Variants in MEGF10 observed in about 807,000 individuals in gnomAD.
The protein encoded by MEGF10 is multiple EGF like domains 10, also known as multiple epidermal growth factor-like domains protein 10.
In MEGF10, 86 loss-of-function variants were observed where a neutral mutation model predicts 147.5. The ratio of observed to expected loss-of-function variants is 0.58; its 90% CI spans 0.49 to 0.70. The LOEUF is 0.70. Ranked by LOEUF, MEGF10 falls within the 30% of genes least tolerant of loss-of-function variation. The pLI is 0.00. For synonymous variants in MEGF10, 478 were observed against 525.5 expected (o/e 0.91, Z 1.24); for missense variants, 1,329 against 1,487.3 (o/e 0.89, Z 1.75).
At chr5:127,426,526 G>A (rs972153574) in intron 13 of MEGF10, among the ~76,000 whole-genome samples, 7 of 152,094 alleles carry the variant, frequency 4.6e-5, no homozygotes, top group African/African-American at 1.7e-4. Flanking sequence ...CAGGATTTAG[G>A]CTGTGTCCTA....
chr5:127,254,850 G>C, the MEGF10 span, among the ~76,000 whole-genome samples: 43 of 151,258 alleles, frequency 2.8e-4, no homozygotes, highest in African/African-American at 9.9e-4. Context: ...TATTGATATC[G>C]TAATCACCTG....
At chr5:127,323,179 A>G (rs1163558223) in intron 1 of MEGF10, among the ~76,000 whole-genome samples, 1 of 152,248 alleles carries the variant, frequency 6.6e-6, no homozygotes, top group East Asian at 1.9e-4. Flanking sequence ...GCGGAAAAAT[A>G]AAAGAAACAT....
chr5:127,433,012 G>T (rs78444957), intron 13 of MEGF10, among the ~76,000 whole-genome samples: 6 of 152,098 alleles, frequency 3.9e-5, no homozygotes, highest in Non-Finnish European at 8.8e-5. Flanking sequence ...CAAAGAATGG[G>T]AGGAGGAGGA....
the MEGF10 span, among the ~76,000 whole-genome samples, chr5:127,269,917 G>A: frequency 5.3e-5 from 8 of 152,258 alleles, no homozygotes; most frequent in African/African-American, 1.4e-4. Flanking sequence ...AAGAGAGTGG[G>A]GGCCAATAGT....
intron 1 of MEGF10, among the ~76,000 whole-genome samples, chr5:127,292,124 C>T (rs567132806): frequency 2.6e-5 from 4 of 152,252 alleles, no homozygotes; most frequent in Non-Finnish European, 5.9e-5. Flanking sequence ...TGTCATCTTC[C>T]TGACACGAGT....
intron 4 of MEGF10, among the ~76,000 whole-genome samples, chr5:127,366,707 T>A (rs72788576): frequency 0.11 from 16,328 of 152,198 alleles, 897 homozygotes; most frequent in Non-Finnish European, 0.13. Flanking sequence ...CGGATTTTTT[T>A]AAAAAATTAT....
At chr5:127,308,957 G>T (rs1161175901) in intron 1 of MEGF10, among the ~76,000 whole-genome samples, 1 of 152,140 alleles carries the variant, frequency 6.6e-6, no homozygotes, top group African/African-American at 2.4e-5. Context: ...TGGTTTCTGT[G>T]TATGGGTTCT....
the MEGF10 span, among the ~76,000 whole-genome samples, chr5:127,252,402 A>G: frequency 6.6e-6 from 1 of 151,866 alleles, no homozygotes; most frequent in African/African-American, 2.4e-5. Context: ...TAAAGAGTGT[A>G]TGGTAAAGCC....
chr5:127,416,275 G>A (rs569114972), intron 9 of MEGF10, among the ~76,000 whole-genome samples: 5 of 151,990 alleles, frequency 3.3e-5, no homozygotes, highest in Non-Finnish European at 7.4e-5. Context: ...TGATCCGCCC[G>A]CCTCAGCCTC....
intron 13 of MEGF10, chr5:127,424,903 T>C (rs1469705349): frequency 6.6e-6 from 1 of 152,342 alleles, no homozygotes; most frequent in Non-Finnish European, 1.5e-5. Context: ...TCGATACTAA[T>C]TTCTCAATGA....
rs72790419 is a variant in MEGF10, at chr5:127,434,864, C to T, written c.1975+43C>T. ...CCGGACAGCTGGGTGGTGATGAGCACGCCCCGGAGAGTCTGTCCTCAGGCC... is the reference window on the plus strand; with the variant it reads ...CCGGACAGCTGGGTGGTGATGAGCATGCCCCGGAGAGTCTGTCCTCAGGCC... On this transcript the variant is annotated intron_variant, in intron 15 of 24. Transcript: ENST00000503335. 195,205 of 1,588,958 alleles carry T rather than the reference C, an allele frequency of 0.12. 12,685 individuals are homozygous for T. Among genetic ancestry groups the T allele is most frequent in the Non-Finnish European group, 0.13 (156,229 of 1,170,610 alleles).
chr5:127,366,182 G>A (rs959432743), intron 4 of MEGF10, among the ~76,000 whole-genome samples: 1 of 152,112 alleles, frequency 6.6e-6, no homozygotes, highest in African/African-American at 2.4e-5. Context: ...TCTGTGTCAT[G>A]AATGTGCCAT....
At chr5:127,369,853 G>A (rs1762788342) in intron 4 of MEGF10, 57 bp from the exon 5 acceptor site, 3 of 1,419,400 alleles carry the variant, frequency 2.1e-6, no homozygotes, top group East Asian at 2.3e-5. Context: ...CAGCTGTGTT[G>A]TTGGCTTTTT....
intron 19 of MEGF10, chr5:127,444,319 C>T (rs1765860974): frequency 6.6e-6 from 1 of 152,216 alleles, no homozygotes; most frequent in Admixed American, 6.5e-5. Context: ...CTTTTACATG[C>T]TTATGATTTA....
chr5:127,443,142 A>G lies in MEGF10; in HGVS notation c.2491+16A>G, dbSNP rs1561650273. ...TGTGATCAAGGTAAATATACTAGCTAATGTTTGTAGCACTGCAGTATTGTG... is the reference window on the plus strand; with the variant it reads ...TGTGATCAAGGTAAATATACTAGCTGATGTTTGTAGCACTGCAGTATTGTG... On this transcript the variant is annotated intron_variant, in intron 19 of 24. Transcript: ENST00000503335. The G allele has an allele frequency of 1.2e-6, 2 of 1,609,016 alleles. No homozygotes were observed. The highest frequency in any genetic ancestry group is 1.7e-5 in the Admixed American group (1 of 59,702).
chr5:127,393,271 T>C (rs1763772380), intron 5 of MEGF10, among the ~76,000 whole-genome samples: 1 of 152,198 alleles, frequency 6.6e-6, no homozygotes, highest in Admixed American at 6.5e-5. Context: ...CCAAATGTGG[T>C]ACTTGAATTC....
At chr5:127,436,324 G>C (rs1765552344) in intron 16 of MEGF10, among the ~76,000 whole-genome samples, 1 of 152,130 alleles carries the variant, frequency 6.6e-6, no homozygotes, top group African/African-American at 2.4e-5. Flanking sequence ...TATATTTTTT[G>C]CTGGAAGATT....
intron 20 of MEGF10, among the ~76,000 whole-genome samples, chr5:127,446,515 C>T (rs1294980018): frequency 6.6e-6 from 1 of 152,162 alleles, no homozygotes; most frequent in South Asian, 2.1e-4. Flanking sequence ...GCTGTACCAG[C>T]CCCAAAGCAA....
chr5:127,455,385 T>C lies in MEGF10; in HGVS notation c.3026-16T>C. 6.2e-7 allele frequency: 1 copy of C among 1,607,588 alleles called. No homozygotes were observed. Among genetic ancestry groups the C allele is most frequent in the South Asian group, 1.1e-5 (1 of 90,430 alleles). ...GTGACACAGCATTAGCTTTCTCTTC[T>C]CATTTCTCTTCACAGACCTGGGAAA... is the stretch of plus-strand genomic sequence containing the variant. On this transcript the variant is annotated splice_polypyrimidine_tract_variant and intron_variant, in intron 23 of 24. Coordinates refer to ENST00000503335, the MANE Select transcript of MEGF10 (RefSeq NM_001256545.2).
Sources: gnomAD v4.1 joint callset for allele counts (sites outside exome capture counted in the v4.1 genomes callset) on GRCh38, gnomAD v4.1.1 for gene constraint, MANE v1.5 for transcripts, NCBI Gene and HGNC (gene_info 2026-07-23, HGNC 2026-07-21) for gene names.